The following RBFOX1 variants were observed in gnomAD, a reference collection of about 807,000 sequenced individuals.
RBFOX1 encodes the protein RNA binding protein fox-1 homolog 1.
In RBFOX1, 8 loss-of-function variants were observed where a neutral mutation model predicts 57.7. That is an observed-to-expected ratio of 0.14 (90% CI 0.08 to 0.25). The LOEUF (loss-of-function observed/expected upper bound fraction) is 0.25, where lower values mean the gene tolerates loss of function less well. RBFOX1 is among the 10% of genes least tolerant of loss of function. The probability of loss-of-function intolerance (pLI) is 1.00; values close to 1 mark genes in which losing one functional copy is unlikely to be tolerated. For missense variants in RBFOX1, 611 were observed against 548.5 expected (o/e 1.11, Z -1.14); for synonymous variants, 326 against 222.4 (o/e 1.47, Z -4.15).
At chr16:7,436,745 C>A (rs961500931) in intron 4 of RBFOX1, among the ~76,000 whole-genome samples, 5 of 152,106 alleles carry the variant, frequency 3.3e-5, no homozygotes, top group African/African-American at 1.2e-4. Flanking sequence ...ATTTGGTCTC[C>A]TTGCTGAGAT....
chr16:6,518,116 G>A (rs1382164623), intron 2 of RBFOX1, among the ~76,000 whole-genome samples: 1 of 152,178 alleles, frequency 6.6e-6, no homozygotes, highest in Non-Finnish European at 1.5e-5. Context: ...TCCTGCAATG[G>A]ATGAAAATGT....
At chr16:5,539,552 G>T (rs1006276888) in intron 2 of RBFOX1, among the ~76,000 whole-genome samples, 13 of 151,980 alleles carry the variant, frequency 8.6e-5, no homozygotes, top group African/African-American at 3.1e-4. Flanking sequence ...AGTGAGCCAA[G>T]ATCGTACCAC....
chr16:6,913,214 G>GGGTATC (rs1434837886), intron 3 of RBFOX1, among the ~76,000 whole-genome samples: 2 of 152,246 alleles, frequency 1.3e-5, no homozygotes, highest in Middle Eastern at 3.4e-3. Context: ...TGCAAAAACA[G>GGGTATC]GGTATCGGAA....
rs142919715 is a variant in RBFOX1 at position 5,640,833 on chromosome 16, GCACACA to G, written c.318+41890_318+41895del. Among the ~76,000 whole-genome samples, 1,363 of 142,356 alleles carry G rather than the reference GCACACA, an allele frequency of 9.6e-3. 32 individuals are homozygous for G. The highest frequency in any genetic ancestry group is 0.034 in the African/African-American group (1,269 of 37,784). The allele number at this position is 142,356 out of a possible 152,430, so 93.4% of individuals were successfully genotyped here. ...ATGCACACCATGGATACACATACAT[GCACACA>G]CACACACACACACACACCATGGATA... On this transcript the variant is annotated intron_variant, in intron 3 of 19. Transcript: ENST00000641259.
At chr16:7,130,634 A>G (rs753403616) in intron 4 of RBFOX1, among the ~76,000 whole-genome samples, 5 of 152,202 alleles carry the variant, frequency 3.3e-5, no homozygotes, top group Non-Finnish European at 7.3e-5. Context: ...TGTAGGTTTT[A>G]TAGCCAATGA....
chr16:6,530,196 C>T (rs1365554375), intron 2 of RBFOX1, among the ~76,000 whole-genome samples: 1 of 151,992 alleles, frequency 6.6e-6, no homozygotes, highest in South Asian at 2.1e-4. Flanking sequence ...AGCATTTTTT[C>T]CTTTCTTCTT....
intron 4 of RBFOX1, among the ~76,000 whole-genome samples, chr16:7,455,887 T>C (rs11649628): frequency 0.38 from 58,099 of 151,884 alleles, 11,619 homozygotes; most frequent in Non-Finnish European, 0.45. Flanking sequence ...CTGTGATGTC[T>C]AAGATTCATT....
At chr16:7,148,588 A>G (rs2075504638) in intron 4 of RBFOX1, among the ~76,000 whole-genome samples, 1 of 152,196 alleles carries the variant, frequency 6.6e-6, no homozygotes, top group Non-Finnish European at 1.5e-5. Flanking sequence ...GAGATTTTCC[A>G]AGTTTGATTT....
intron 3 of RBFOX1, among the ~76,000 whole-genome samples, chr16:6,859,141 GTATATATATATGTATATATA>G (rs1567592496): frequency 2.0e-5 from 2 of 98,250 alleles, no homozygotes; most frequent in African/African-American, 5.5e-5. Flanking sequence ...ATATATATAC[GTATATATATATGTATATATA>G]TACGTATATA....
chr16:6,541,316 G>T (rs919971072), intron 2 of RBFOX1, among the ~76,000 whole-genome samples: 1 of 152,282 alleles, frequency 6.6e-6, no homozygotes, highest in South Asian at 2.1e-4. Flanking sequence ...GGTGACTCTG[G>T]CATTCATTCA....
At chr16:6,154,526 A>G (rs986932014) in intron 1 of RBFOX1, among the ~76,000 whole-genome samples, 2 of 152,162 alleles carry the variant, frequency 1.3e-5, no homozygotes, top group African/African-American at 4.8e-5. Flanking sequence ...TAAGGTAGGA[A>G]TAAGGATAGT....
At position 5,746,613 on chromosome 16, in the gene RBFOX1, A is replaced by C. The variant is rs1191134098; in HGVS notation, c.319-120690A>C. On this transcript the variant is annotated intron_variant, in intron 3 of 19. Coordinates refer to the RBFOX1 transcript ENST00000641259. ...ATTTGTTTGTGTCCTCTTTTATTTCATTGAGCAGTTGTTTGTAGTTCTCCT... is the reference window on the plus strand; with the variant it reads ...ATTTGTTTGTGTCCTCTTTTATTTCCTTGAGCAGTTGTTTGTAGTTCTCCT... 2.6e-5 allele frequency among the ~76,000 whole-genome samples: 4 copies of C among 152,004 alleles called. 1 individual carries two copies. The highest frequency in any genetic ancestry group is 4.8e-5 in the African/African-American group (2 of 41,376).
chr16:7,270,200 C>T (rs1324342587), intron 4 of RBFOX1, among the ~76,000 whole-genome samples: 2 of 152,212 alleles, frequency 1.3e-5, no homozygotes, highest in African/African-American at 4.8e-5. Flanking sequence ...GTTCCGCCCC[C>T]AGGCAGGAGC....
chr16:6,135,759 A>T (rs2096662047), intron 1 of RBFOX1, among the ~76,000 whole-genome samples: 1 of 146,672 alleles, frequency 6.8e-6, no homozygotes, highest in Non-Finnish European at 1.5e-5. Flanking sequence ...TGGCAGGGGA[A>T]TTCCTGGAGA....
At chr16:6,062,894 C>G (rs1460813587) in intron 1 of RBFOX1, among the ~76,000 whole-genome samples, 1 of 151,990 alleles carries the variant, frequency 6.6e-6, no homozygotes, top group African/African-American at 2.4e-5. Context: ...AATCTGTAGG[C>G]CAGCTGGCTG....
At chr16:7,698,359 G>T (rs767669744) in intron 14 of RBFOX1, among the ~76,000 whole-genome samples, 1 of 151,996 alleles carries the variant, frequency 6.6e-6, no homozygotes, top group Non-Finnish European at 1.5e-5. Flanking sequence ...ACAACCATGT[G>T]GGGTGAGGGT....
intron 3 of RBFOX1, among the ~76,000 whole-genome samples, chr16:6,893,042 A>T (rs935152573): frequency 3.3e-5 from 5 of 152,108 alleles, no homozygotes; most frequent in African/African-American, 1.2e-4. Context: ...GCACCAACCG[A>T]ATACATGATC....
At chr16:5,885,374 C>T (rs2057873905) in intron 4 of RBFOX1, among the ~76,000 whole-genome samples, 1 of 150,782 alleles carries the variant, frequency 6.6e-6, no homozygotes, top group Non-Finnish European at 1.5e-5. Context: ...TTAAATCATC[C>T]AATCTGCCAT....
chr16:7,526,746 A>C lies in RBFOX1; in HGVS notation c.270+8357A>C, dbSNP rs528276942. 1.2e-4 allele frequency among the ~76,000 whole-genome samples: 19 copies of C among 152,354 alleles called. No homozygotes were observed. In the Middle Eastern group the frequency reaches 0.014, roughly 109 times the overall value. ...TATATTTTAAGCACTTTCCATGCAC[A>C]ATCTCAACTAATCTTGGCCCTCCCC... On this transcript the variant is annotated intron_variant, in intron 5 of 15. Transcript: ENST00000550418.
Sources: allele counts gnomAD v4.1 joint callset (sites outside exome capture counted in the v4.1 genomes callset), GRCh38; gene constraint gnomAD v4.1.1; transcripts MANE v1.5; gene names NCBI Gene and HGNC (gene_info 2026-07-23, HGNC 2026-07-21).